CNOT10: variants seen among roughly 807,000 people sequenced by gnomAD.
The protein encoded by CNOT10 is CCR4-NOT transcription complex, subunit 10.
A neutral mutation model predicts 94.6 loss-of-function variants in CNOT10; 30 were observed. The ratio of observed to expected loss-of-function variants is 0.32; its 90% CI spans 0.24 to 0.43. The LOEUF (loss-of-function observed/expected upper bound fraction) is 0.43, where lower values mean the gene tolerates loss of function less well. Ranked by LOEUF, CNOT10 falls within the 20% of genes least tolerant of loss-of-function variation. The probability of loss-of-function intolerance (pLI) is 1.00; values close to 1 mark genes in which losing one functional copy is unlikely to be tolerated. For missense variants in CNOT10, 759 were observed against 877.2 expected (o/e 0.87, Z 1.70); for synonymous variants, 289 against 301.6 (o/e 0.96, Z 0.43).
intron 17 of CNOT10, chr3:32,769,576 T>C: frequency 3.8e-6 from 1 of 262,108 alleles, no homozygotes; most frequent in Non-Finnish European, 7.5e-6. Flanking sequence ...CAAATGGGCA[T>C]GCAGATTTTG....
intron 1 of CNOT10, chr3:32,687,642 A>G (rs886893774): frequency 6.6e-6 from 1 of 151,202 alleles, no homozygotes; most frequent in East Asian, 1.9e-4. Context: ...TTTAGTAGAG[A>G]CAGGGTTTCA....
chr3:32,717,333 A>G, intron 7 of CNOT10, 96 bp downstream of exon 7: 1 of 673,756 alleles, frequency 1.5e-6, no homozygotes, highest in Non-Finnish European at 2.5e-6. Context: ...AGTCTTTTAC[A>G]TATACTGCCA....
Position 32,695,902 on chromosome 3 carries a change from T to C in CNOT10, c.23-7966T>C. ...AACTGATTACAAAAATGAATACCCA[T>C]TTCTGGCAGAAAACTCGAGAAATGT... On this transcript the variant is annotated intron_variant, in intron 1 of 18. Transcript: ENST00000328834. The C allele has an allele frequency of 4.1e-6, 5 of 1,207,432 alleles. No homozygotes were observed. The South Asian group carries it at 5.6e-5, about 14-fold the overall frequency. The allele number at this position is 1,207,432 out of a possible 1,614,324, so 74.8% of individuals were successfully genotyped here. A position where few individuals can be genotyped will look rare whatever the true frequency, so the allele number is the denominator to read the frequency against.
intron 3 of CNOT10, among the ~76,000 whole-genome samples, chr3:32,707,711 G>A (rs765860099): frequency 3.2e-4 from 48 of 152,186 alleles, no homozygotes; most frequent in Non-Finnish European, 6.2e-4. Flanking sequence ...GCTAAGGCAG[G>A]AGAATCACTT....
intron 13 of CNOT10, among the ~76,000 whole-genome samples, 191 bp downstream of exon 13, chr3:32,737,681 G>C (rs1409665738): frequency 6.6e-6 from 1 of 151,956 alleles, no homozygotes; most frequent in Non-Finnish European, 1.5e-5. Context: ...AAATTAACCG[G>C]GCGTGGTGGC....
chr3:32,750,418 G>A (rs916902175), intron 13 of CNOT10, among the ~76,000 whole-genome samples: 3 of 151,396 alleles, frequency 2.0e-5, no homozygotes, highest in Non-Finnish European at 4.4e-5. Context: ...CTTGAACCCC[G>A]GAGGCCGAAG....
intron 1 of CNOT10, 81 bp from the exon 2 acceptor site, chr3:32,703,787 C>A (rs1697482324): frequency 2.2e-6 from 2 of 923,726 alleles, no homozygotes; most frequent in East Asian, 2.5e-5. Flanking sequence ...GTAACTGAAA[C>A]TGCAGAAAGT....
At chr3:32,754,506 A>ATATATATATATT (rs1700131606) in intron 13 of CNOT10, among the ~76,000 whole-genome samples, 4 of 104,430 alleles carry the variant, frequency 3.8e-5, no homozygotes, top group Non-Finnish European at 7.1e-5. Flanking sequence ...ATATATATAT[A>ATATATATATATT]TATTTATTTT....
intron 6 of CNOT10, 141 bp from the exon 7 acceptor site, chr3:32,717,013 A>T (rs888987343): frequency 1.8e-6 from 1 of 540,566 alleles, no homozygotes; most frequent in African/African-American, 2.0e-5. Flanking sequence ...TGAAAATAGC[A>T]TATTTTCTAA....
At chr3:32,746,537 C>T (rs917703184) in intron 13 of CNOT10, among the ~76,000 whole-genome samples, 5 of 151,918 alleles carry the variant, frequency 3.3e-5, no homozygotes, top group Non-Finnish European at 5.9e-5. Context: ...GCGCAGTTCA[C>T]GATAAGATAT....
At chr3:32,687,452 G>GTTTTTGTTTTTT (rs1696662578) in intron 1 of CNOT10, among the ~76,000 whole-genome samples, 2 of 60,400 alleles carry the variant, frequency 3.3e-5, no homozygotes, top group African/African-American at 1.1e-4. Context: ...TTTTTTTTTT[G>GTTTTTGTTTTTT]TTTTTTTTTT....
At chr3:32,722,945 T>C (rs1376469350) in intron 8 of CNOT10, among the ~76,000 whole-genome samples, 3 of 152,160 alleles carry the variant, frequency 2.0e-5, no homozygotes, top group Admixed American at 2.0e-4. Flanking sequence ...CTTTTAAATA[T>C]TGTCATTGCT....
chr3:32,766,555 C>T lies in CNOT10; in HGVS notation c.2004+1746C>T, dbSNP rs11928827. ...GGCTGAGGCAGGAGAATGGCATGAA[C>T]CCGGGAGGTGGAGCTTGCAGTGAGC... On this transcript the variant is annotated intron_variant, in intron 17 of 18. Transcript: ENST00000328834. Among the ~76,000 whole-genome samples, 18 of 10,086 alleles carry T rather than the reference C, an allele frequency of 1.8e-3. 2 individuals are homozygous for T. The highest frequency in any genetic ancestry group is 4.1e-3 in the Admixed American group (3 of 728). The allele number at this position is 10,086 out of a possible 152,430, so 6.6% of individuals were successfully genotyped here.
chr3:32,710,276 C>CT (rs990169638), intron 4 of CNOT10, among the ~76,000 whole-genome samples: 142 of 138,698 alleles, frequency 1.0e-3, no homozygotes, highest in East Asian at 2.5e-3. Context: ...TCTTTTATGG[C>CT]TTTTTTTTTT....
intron 17 of CNOT10, among the ~76,000 whole-genome samples, chr3:32,768,776 G>A (rs749848004): frequency 5.9e-5 from 9 of 152,148 alleles, no homozygotes; most frequent in Non-Finnish European, 1.2e-4. Context: ...TGGGCAACAT[G>A]CCCCGCTAGT....
At chr3:32,757,220 C>T (rs1413402426) in intron 13 of CNOT10, among the ~76,000 whole-genome samples, 2 of 51,642 alleles carry the variant, frequency 3.9e-5, no homozygotes, top group African/African-American at 1.5e-4. Context: ...ACTCTTGTTG[C>T]CCAGGCTGGA....
chr3:32,687,439 G>GTTT (rs201119069), intron 1 of CNOT10, among the ~76,000 whole-genome samples: 2 of 51,320 alleles, frequency 3.9e-5, no homozygotes, highest in Non-Finnish European at 6.8e-5. Context: ...AGTCCTCACG[G>GTTT]TTTTTTTTTT....
At chr3:32,762,975 T>A in intron 15 of CNOT10, 112 bp downstream of exon 15, 1 of 1,204,680 alleles carries the variant, frequency 8.3e-7, no homozygotes, top group Non-Finnish European at 1.1e-6. Context: ...AAGTTTTAGG[T>A]TGGCTTTCCA....
At chr3:32,764,865 G>A in intron 17 of CNOT10, 56 bp downstream of exon 17, 2 of 1,590,434 alleles carry the variant, frequency 1.3e-6, no homozygotes, top group Non-Finnish European at 1.7e-6. Context: ...CAAGTTTGAG[G>A]TTTATATTTT....
Sources: gnomAD v4.1 joint callset for allele counts (sites outside exome capture counted in the v4.1 genomes callset) on GRCh38, gnomAD v4.1.1 for gene constraint, MANE v1.5 for transcripts, NCBI Gene and HGNC (gene_info 2026-07-23, HGNC 2026-07-21) for gene names.